Variants in KCNQ5 observed in about 807,000 individuals in gnomAD.
The protein encoded by KCNQ5 is potassium voltage-gated channel subfamily Q member 5.
KCNQ5 carries 30 observed loss-of-function variants against 98.2 expected under a neutral mutation model. That is an observed-to-expected ratio of 0.31 (90% CI 0.23 to 0.41). The LOEUF (loss-of-function observed/expected upper bound fraction) is 0.41. Among genes scored for constraint, KCNQ5 ranks in the 10% least tolerant of loss-of-function variants. KCNQ5 has a pLI of 1.00. For missense variants in KCNQ5, 835 were observed against 1,182.5 expected, an observed-to-expected ratio of 0.71 and a Z score of 4.31; for synonymous variants, 458 against 449.4, an observed-to-expected ratio of 1.02 and a Z score of -0.24.
Position 72,750,548 on chromosome 6 carries a change from A to G in KCNQ5, c.398+127961A>G, listed in dbSNP as rs138122297. 5.9e-3 allele frequency among the ~76,000 whole-genome samples: 903 copies of G among 152,168 alleles called. 14 individuals carry two copies. Among genetic ancestry groups the G allele is most frequent in the African/African-American group, 0.02 (827 of 41,566 alleles). On this transcript the variant is annotated intron_variant, in intron 1 of 13. Transcript: ENST00000370398. ...GTAGAAAATTAATGATCTTTTAAAA[A>G]GACAGTTGATTTTTCACATGGCCAC...
intron 1 of KCNQ5, among the ~76,000 whole-genome samples, chr6:72,845,056 C>CT (rs1776959457): frequency 6.6e-6 from 1 of 152,182 alleles, no homozygotes; most frequent in Non-Finnish European, 1.5e-5. Flanking sequence ...TGGGATCAAT[C>CT]TTAAACTAAA....
chr6:73,114,126 G>A (rs1037577814), intron 7 of KCNQ5, among the ~76,000 whole-genome samples: 1 of 151,960 alleles, frequency 6.6e-6, no homozygotes, highest in African/African-American at 2.4e-5. Flanking sequence ...TTTGTTCATT[G>A]TTCTTCCTTG....
chr6:72,645,723 CAA>C (rs913911861), intron 1 of KCNQ5, among the ~76,000 whole-genome samples: 2 of 152,086 alleles, frequency 1.3e-5, no homozygotes, highest in African/African-American at 4.8e-5. Context: ...TGTCCAGACT[CAA>C]GAGCATTCAG....
chr6:72,927,088 A>G (rs1212760247), intron 1 of KCNQ5, among the ~76,000 whole-genome samples: 1 of 152,218 alleles, frequency 6.6e-6, no homozygotes, highest in East Asian at 1.9e-4. Context: ...AATGCCTCAC[A>G]AAACATTGAC....
At chr6:72,983,614 G>A (rs1036714666) in intron 1 of KCNQ5, among the ~76,000 whole-genome samples, 10 of 152,168 alleles carry the variant, frequency 6.6e-5, no homozygotes, top group South Asian at 2.1e-4. Context: ...TGATGGGCTC[G>A]AACATCCTCC....
At chr6:72,740,903 C>A (rs1020962813) in intron 1 of KCNQ5, among the ~76,000 whole-genome samples, 2 of 152,130 alleles carry the variant, frequency 1.3e-5, no homozygotes, top group African/African-American at 4.8e-5. Flanking sequence ...GATTGAGCAT[C>A]TTTTGGGAGG....
At chr6:72,713,770 C>A (rs191238108) in intron 1 of KCNQ5, among the ~76,000 whole-genome samples, 2 of 152,176 alleles carry the variant, frequency 1.3e-5, no homozygotes, top group Non-Finnish European at 2.9e-5. Flanking sequence ...TATGTCACTG[C>A]CCTTCTCAGG....
intron 1 of KCNQ5, among the ~76,000 whole-genome samples, chr6:72,903,412 T>C (rs1779583292): frequency 6.6e-6 from 1 of 152,224 alleles, no homozygotes; most frequent in South Asian, 2.1e-4. Context: ...TTCCTTGAGG[T>C]GTGACGTTAG....
chr6:72,710,865 T>C (rs570372916), intron 1 of KCNQ5, among the ~76,000 whole-genome samples: 2 of 152,100 alleles, frequency 1.3e-5, no homozygotes, highest in Non-Finnish European at 2.9e-5. Flanking sequence ...ATACAGAACA[T>C]TCTACCCAAC....
Position 72,637,442 on chromosome 6 carries a change from T to C in KCNQ5, c.398+14855T>C, listed in dbSNP as rs2098924846. Among the ~76,000 whole-genome samples, 4 of 152,054 alleles carry C rather than the reference T, an allele frequency of 2.6e-5. No homozygotes were observed. The South Asian group carries it at 8.3e-4, about 32-fold the overall frequency. Reference sequence around the variant, plus strand: ...TGCATATTGTGTTATTGGAACACTTTGGAAACACTTCTTCCATTTGTTCAA... The same window carrying C: ...TGCATATTGTGTTATTGGAACACTTCGGAAACACTTCTTCCATTTGTTCAA... On this transcript the variant is annotated intron_variant, in intron 1 of 13. Coordinates refer to ENST00000370398, the MANE Select transcript of KCNQ5 (RefSeq NM_019842.4).
chr6:72,952,132 G>C (rs1766835534), intron 1 of KCNQ5, among the ~76,000 whole-genome samples: 1 of 152,228 alleles, frequency 6.6e-6, no homozygotes, highest in African/African-American at 2.4e-5. Context: ...GAAGGATTCA[G>C]TAAGATTAGT....
rs540246458 is a variant in KCNQ5, at chr6:72,701,157, G to T, written c.398+78570G>T. Among the ~76,000 whole-genome samples the T allele has an allele frequency of 2.0e-5, 3 of 152,300 alleles. No homozygotes were observed. The South Asian group carries it at 6.2e-4, about 32-fold the overall frequency. ...TAAATTGTATTTTGGTGTACTTTGT[G>T]TAGAAGGCTATTTGTTAAATACCAG... On this transcript the variant is annotated intron_variant, in intron 1 of 13. Coordinates refer to ENST00000370398, the MANE Select transcript of KCNQ5 (RefSeq NM_019842.4).
At chr6:72,975,510 T>G (rs184259682) in intron 1 of KCNQ5, among the ~76,000 whole-genome samples, 1 of 152,162 alleles carries the variant, frequency 6.6e-6, no homozygotes, top group African/African-American at 2.4e-5. Flanking sequence ...GAGCAACAAG[T>G]GCCATTGTAG....
At position 72,853,468 on chromosome 6, in the gene KCNQ5, C is replaced by G. The variant is rs1362294489; in HGVS notation, c.399-150440C>G. On this transcript the variant is annotated intron_variant, in intron 1 of 13. Transcript: ENST00000370398. ...AAGCAATTCTCCTGTCTCAACCACC[C>G]GAGAAGCTGGGACTACAGGCACGTG... Among the ~76,000 whole-genome samples the G allele has an allele frequency of 2.0e-5, 3 of 152,090 alleles. No homozygotes were observed. In the East Asian group the frequency reaches 5.8e-4, roughly 29 times the overall value.
At chr6:72,843,224 G>A (rs1030574394) in intron 1 of KCNQ5, among the ~76,000 whole-genome samples, 3 of 152,078 alleles carry the variant, frequency 2.0e-5, no homozygotes, top group Non-Finnish European at 2.9e-5. Flanking sequence ...TCCCAAAACT[G>A]TTCATTAAAT....
chr6:72,855,656 C>A (rs549069201), intron 1 of KCNQ5, among the ~76,000 whole-genome samples: 1 of 152,024 alleles, frequency 6.6e-6, no homozygotes, highest in East Asian at 1.9e-4. Flanking sequence ...TAATATTAGA[C>A]TTGGGGGAGA....
intron 1 of KCNQ5, among the ~76,000 whole-genome samples, chr6:72,861,828 A>AAT (rs1348941537): frequency 1.2e-4 from 1 of 8,348 alleles, no homozygotes; most frequent in African/African-American, 5.3e-4. Flanking sequence ...AAAGTATAAT[A>AAT]AAAAAAAAAA....
rs772495814 is a variant in KCNQ5, at chr6:73,169,734, A to G, written c.1469-12A>G. On this transcript the variant is annotated splice_polypyrimidine_tract_variant and intron_variant, in intron 10 of 13. Coordinates refer to ENST00000370398, the MANE Select transcript of KCNQ5 (RefSeq NM_019842.4). ...ATGGTGGTGTTATTTAACTGGCAATATTCTCTTGCAGCTGACACAGCCCTT... is the reference window on the plus strand; with the variant it reads ...ATGGTGGTGTTATTTAACTGGCAATGTTCTCTTGCAGCTGACACAGCCCTT... 6.3e-7 allele frequency: 1 copy of G among 1,587,698 alleles called. No homozygotes were observed. The highest frequency in any genetic ancestry group is 1.1e-5 in the South Asian group (1 of 90,122).
At chr6:72,956,298 G>C (rs1172300335) in intron 1 of KCNQ5, among the ~76,000 whole-genome samples, 1 of 152,056 alleles carries the variant, frequency 6.6e-6, no homozygotes, top group Non-Finnish European at 1.5e-5. Context: ...ATCCAAACCA[G>C]AGCCAAAATT....
Sources: allele counts gnomAD v4.1 joint callset (sites outside exome capture counted in the v4.1 genomes callset), GRCh38; gene constraint gnomAD v4.1.1; transcripts MANE v1.5; gene names NCBI Gene and HGNC (gene_info 2026-07-23, HGNC 2026-07-21).